PRR7: variants seen among roughly 807,000 people sequenced by gnomAD.
PRR7 encodes the protein proline-rich protein 7.
A neutral mutation model predicts 18.5 loss-of-function variants in PRR7; 8 were observed. The observed-to-expected ratio is 0.43, with a 90% CI of 0.25 to 0.78. PRR7 has a LOEUF of 0.78. Among genes scored for constraint, PRR7 ranks in the 30% least tolerant of loss-of-function variants. The probability of loss-of-function intolerance (pLI) is 0.22; values close to 1 mark genes in which losing one functional copy is unlikely to be tolerated. For synonymous variants in PRR7, 221 were observed against 187.7 expected, an observed-to-expected ratio of 1.18 and a Z score of -1.45; for missense variants, 396 against 403.1, an observed-to-expected ratio of 0.98 and a Z score of 0.15.
chr5:177,454,964 G>A lies in PRR7; in HGVS notation c.-104G>A, dbSNP rs1411641367. On this transcript the variant is annotated 5_prime_UTR_variant, in exon 3 of 4. Transcript: ENST00000323249. This position sits in a 1 kb window ranked among gnomAD's most constrained non-coding sequence, Gnocchi z 4.7. ...GGGCAGCCCCCGGCCGCGGGTCCCC[G>A]AGTGACGCTGGCGGCACCTGAGAGT... is the stretch of plus-strand genomic sequence containing the variant. 7.5e-6 allele frequency: 10 copies of A among 1,328,476 alleles called. No homozygotes were observed. The highest frequency in any genetic ancestry group is 1.5e-5 in the African/African-American group (1 of 66,184). 82.3% of individuals were successfully genotyped at this position (1,328,476 alleles called of 1,614,324 possible).
At position 177,455,037 on chromosome 5, in the gene PRR7, C is replaced by A; in HGVS notation, c.-31C>A. On this transcript the variant is annotated 5_prime_UTR_variant, in exon 3 of 4. Transcript: ENST00000323249. This position sits in a 1 kb window ranked among gnomAD's most constrained non-coding sequence, Gnocchi z 6.9. ...CAGCGGAGCCCAGTGTCCAGTGAAG[C>A]GTCTGAGGACCCGCCGCCCGTGCCG... 1 of 1,439,530 alleles carries A rather than the reference C, an allele frequency of 6.9e-7. No homozygotes were observed. The highest frequency in any genetic ancestry group is 9.1e-7 in the Non-Finnish European group (1 of 1,097,616). The allele number at this position is 1,439,530 out of a possible 1,614,324, so 89.2% of individuals were successfully genotyped here. A position where few individuals can be genotyped will look rare whatever the true frequency, so the allele number is the denominator to read the frequency against.
upstream of PRR7, chr5:177,446,812 C>A (rs1755906824): frequency 6.6e-6 from 1 of 151,310 alleles, no homozygotes; most frequent in African/African-American, 2.4e-5. This position sits in a 1 kb window ranked among gnomAD's most constrained non-coding sequence, Gnocchi z 5.3. Context: ...CCCCGCGCCT[C>A]CAGCCCAGCG....
At chr5:177,448,124 G>C (rs1283621436) in intron 1 of PRR7, among the ~76,000 whole-genome samples, 1 of 152,232 alleles carries the variant, frequency 6.6e-6, no homozygotes, top group East Asian at 1.9e-4. Flanking sequence ...AGCCCCGACC[G>C]CGGGCTTCAG....
At chr5:177,452,785 G>A (rs1156649088) in intron 1 of PRR7, among the ~76,000 whole-genome samples, 1 of 152,230 alleles carries the variant, frequency 6.6e-6, no homozygotes, top group Admixed American at 6.5e-5. Flanking sequence ...GCTGAGCTGG[G>A]CGCCCTCAGG....
chr5:177,455,406 GCACCCA>G lies in PRR7; in HGVS notation c.345_350del (p.Pro117_His118del), dbSNP rs1177109536. On this transcript the variant is annotated inframe_deletion, in exon 3 of 4. Transcript: ENST00000323249. The surrounding 1 kb of genome is among the most constrained non-coding windows in gnomAD (Gnocchi z 6.9). ...GGCCCGCGCAGCCGCACGCGCACGC[GCACCCA>G]CACCCGCACCACCACGCGCTCCCGC... 4.0e-6 allele frequency: 6 copies of G among 1,496,316 alleles called. No individual in the cohort carries two copies. In the African/African-American group the frequency reaches 7.3e-5, roughly 18 times the overall value. The allele number at this position is 1,496,316 out of a possible 1,614,324, so 92.7% of individuals were successfully genotyped here. A position where few individuals can be genotyped will look rare whatever the true frequency, so the allele number is the denominator to read the frequency against.
chr5:177,455,061 C>T lies in PRR7; in HGVS notation c.-7C>T, dbSNP rs569451552. The stretch of plus-strand genomic sequence containing the variant: ...GCGTCTGAGGACCCGCCGCCCGTGC[C>T]GCCGCCATGGTGATGTCCCAGGGCA... On this transcript the variant is annotated 5_prime_UTR_variant, in exon 3 of 4. Transcript: ENST00000323249. This position sits in a 1 kb window ranked among gnomAD's most constrained non-coding sequence, Gnocchi z 6.9. 1.4e-6 allele frequency: 2 copies of T among 1,451,846 alleles called. No homozygotes were observed. Among genetic ancestry groups the T allele is most frequent in the African/African-American group, 1.5e-5 (1 of 67,480 alleles). The allele number at this position is 1,451,846 out of a possible 1,614,324, so 89.9% of individuals were successfully genotyped here.
rs748189551 is a variant in PRR7, at chr5:177,450,543, G to A, written c.-324-3413G>A. On this transcript the variant is annotated intron_variant, in intron 1 of 3. Coordinates refer to ENST00000323249, the MANE Select transcript of PRR7 (RefSeq NM_030567.5). This position sits in a 1 kb window ranked among gnomAD's most constrained non-coding sequence, Gnocchi z 6.6. ...ACAGCTAAAAGACCAACCAGGTAAC[G>A]AGCCCTCCAGCATCTCCTTCCATAG... Among the ~76,000 whole-genome samples the A allele has an allele frequency of 2.2e-4, 34 of 152,186 alleles. No individual in the cohort carries two copies. The highest frequency in any genetic ancestry group is 3.7e-4 in the Non-Finnish European group (25 of 68,016).
At position 177,455,247 on chromosome 5, in the gene PRR7, A is replaced by T. The variant is rs370341978; in HGVS notation, c.180A>T (p.Glu60Asp). 3 of 1,549,360 alleles carry T rather than the reference A, an allele frequency of 1.9e-6. No homozygotes were observed. Among genetic ancestry groups the T allele is most frequent in the Middle Eastern group, 1.7e-4 (1 of 5,828 alleles). Residue 60 changes from glutamate (E) to aspartate (D), a missense_variant, in exon 3 of 4, where the codon GAA (glutamate) becomes GAT (aspartate). Transcript: ENST00000323249. This position sits in a 1 kb window ranked among gnomAD's most constrained non-coding sequence, Gnocchi z 6.9. Reference sequence around the variant, plus strand: ...GCGCCCTAGAGCTGGAGCCCCTCGAACTCGAGGGCAGTCTGGCCGGGAGCC... The same window carrying T: ...GCGCCCTAGAGCTGGAGCCCCTCGATCTCGAGGGCAGTCTGGCCGGGAGCC... ...NLRALELEPL[E>D]LEGSLAGSPP...
chr5:177,455,216 A>G lies in PRR7; in HGVS notation c.149A>G (p.Asn50Ser). The change falls in exon 3 of 4, where the codon AAC (asparagine) becomes AGC (serine). Residue 50 changes from asparagine to serine, a missense_variant. Physicochemically the swap from Asn to Ser is conservative, Grantham distance 46. This residue lies in a region of PRR7 where 383 missense variants were observed against 372.6 expected (regional missense o/e 1.03). Transcript: ENST00000323249. The surrounding 1 kb of genome is among the most constrained non-coding windows in gnomAD (Gnocchi z 6.9). ...RRQEERLREQ[N>S]LRALELEPLE... ...CAGGAGGAGCGACTGCGCGAGCAGA[A>G]CCTGCGCGCCCTAGAGCTGGAGCCC... 1 of 1,570,544 alleles carries G rather than the reference A, an allele frequency of 6.4e-7. No individual in the cohort carries two copies. Among genetic ancestry groups the G allele is most frequent in the Non-Finnish European group, 8.6e-7 (1 of 1,166,006 alleles).
Position 177,454,403 on chromosome 5 carries a change from G to A in PRR7, c.-240+363G>A, listed in dbSNP as rs1433113456. On this transcript the variant is annotated intron_variant, in intron 2 of 3. Transcript: ENST00000323249. The surrounding 1 kb of genome is among the most constrained non-coding windows in gnomAD (Gnocchi z 4.7). The stretch of plus-strand genomic sequence containing the variant: ...CAGGCGTCTGTACAGGGCGTCGGGT[G>A]GCTGTCTGTGGGGCTCTAGGAGATG... Among the ~76,000 whole-genome samples, 18 of 152,184 alleles carry A rather than the reference G, an allele frequency of 1.2e-4. No individual in the cohort carries two copies. The East Asian group carries it at 3.5e-3, about 29-fold the overall frequency.
Position 177,446,930 on chromosome 5 carries a change from G to C in PRR7, c.-355G>C, listed in dbSNP as rs536753376. The C allele has an allele frequency of 6.6e-6, 1 of 151,914 alleles. No individual in the cohort carries two copies. The highest frequency in any genetic ancestry group is 1.5e-5 in the Non-Finnish European group (1 of 68,022). 9.4% of individuals were successfully genotyped at this position (151,914 alleles called of 1,614,324 possible). A position where few individuals can be genotyped will look rare whatever the true frequency, so the allele number is the denominator to read the frequency against. On this transcript the variant is annotated 5_prime_UTR_variant, in exon 1 of 4. Coordinates refer to ENST00000323249, the MANE Select transcript of PRR7 (RefSeq NM_030567.5). The surrounding 1 kb of genome is among the most constrained non-coding windows in gnomAD (Gnocchi z 5.3). The stretch of plus-strand genomic sequence containing the variant: ...GCCCGCGCTGCTCGCCCCGAGCCAG[G>C]AGAACGAGCTCGAGGAGGATGCCTG...
At position 177,455,999 on chromosome 5, in the gene PRR7, C is replaced by T; in HGVS notation, c.703C>T (p.Arg235Cys). Residue 235 changes from arginine (R) to cysteine (C), a missense_variant, in exon 4 of 4, where the codon CGT (arginine) becomes TGT (cysteine). Coordinates refer to ENST00000323249, the MANE Select transcript of PRR7 (RefSeq NM_030567.5). This position sits in a 1 kb window ranked among gnomAD's most constrained non-coding sequence, Gnocchi z 6.9. ...CCCAGCCCTCTGCCTGCAGGCCGACCGTGGCCGCCGGGTCTTCCCCAGCTG... is the reference window on the plus strand; with the variant it reads ...CCCAGCCCTCTGCCTGCAGGCCGACTGTGGCCGCCGGGTCTTCCCCAGCTG... ...PCPALCLQADRGRRVFPSWTD... is the reference protein window; with the variant it reads ...PCPALCLQADCGRRVFPSWTD... 1 of 1,581,682 alleles carries T rather than the reference C, an allele frequency of 6.3e-7. No homozygotes were observed. Among genetic ancestry groups the T allele is most frequent in the Non-Finnish European group, 8.6e-7 (1 of 1,168,858 alleles).
At chr5:177,452,865 G>C (rs1247443877) in intron 1 of PRR7, among the ~76,000 whole-genome samples, 1 of 152,214 alleles carries the variant, frequency 6.6e-6, no homozygotes, top group East Asian at 1.9e-4. Context: ...TCATCCTGTA[G>C]CTCTTTCTCA....
Position 177,455,912 on chromosome 5 carries a change from C to G in PRR7, c.616C>G (p.Leu206Val). The G allele has an allele frequency of 6.2e-7, 1 of 1,608,900 alleles. No individual in the cohort carries two copies. The change falls in exon 4 of 4, where the codon CTG (leucine) becomes GTG (valine). Residue 206 changes from leucine to valine, a missense_variant. Physicochemically the swap from Leu to Val is conservative, Grantham distance 32 (BLOSUM62 1). This residue lies in a region of PRR7 where 383 missense variants were observed against 372.6 expected (regional missense o/e 1.03). Transcript: ENST00000323249. The surrounding 1 kb of genome is among the most constrained non-coding windows in gnomAD (Gnocchi z 6.9). ...QPPPSYKPLF[L>V]DRGYTSALHL... ...GCCTCCCAGCTACAAGCCGCTCTTC[C>G]TGGACCGGGGCTACACCTCGGCGCT... is the stretch of plus-strand genomic sequence containing the variant.
Position 177,455,276 on chromosome 5 carries a change from C to G in PRR7, c.209C>G (p.Pro70Arg). The G allele has an allele frequency of 1.3e-6, 2 of 1,516,320 alleles. No homozygotes were observed. Among genetic ancestry groups the G allele is most frequent in the Admixed American group, 2.1e-5 (1 of 48,466 alleles). 93.9% of individuals were successfully genotyped at this position (1,516,320 alleles called of 1,614,324 possible). A position where few individuals can be genotyped will look rare whatever the true frequency, so the allele number is the denominator to read the frequency against. Residue 70 changes from proline (P) to arginine (R), a missense_variant, in exon 3 of 4, where the codon CCG (proline) becomes CGG (arginine). By Grantham distance (103) the Pro-to-Arg change is moderately radical (BLOSUM62 -2). This residue lies in a region of PRR7 where 383 missense variants were observed against 372.6 expected (regional missense o/e 1.03). Coordinates refer to ENST00000323249, the MANE Select transcript of PRR7 (RefSeq NM_030567.5). The surrounding 1 kb of genome is among the most constrained non-coding windows in gnomAD (Gnocchi z 6.9). ...ELEGSLAGSPPGLAPPQPPPH... is the reference protein window; with the variant it reads ...ELEGSLAGSPRGLAPPQPPPH... The stretch of plus-strand genomic sequence containing the variant: ...GAGGGCAGTCTGGCCGGGAGCCCCC[C>G]GGGCCTGGCGCCGCCGCAGCCACCA...
intron 1 of PRR7, among the ~76,000 whole-genome samples, chr5:177,447,882 G>T (rs1755976151): frequency 6.6e-6 from 1 of 152,204 alleles, no homozygotes; most frequent in South Asian, 2.1e-4. Context: ...CCCCTTTCTT[G>T]TCTGAGCACA....
chr5:177,455,271 C>G lies in PRR7; in HGVS notation c.204C>G (p.Ser68Arg). The change falls in exon 3 of 4, where the codon AGC becomes AGG. Residue 68 changes from serine (S) to arginine (R), a missense_variant. Physicochemically the swap from Ser to Arg is moderately radical, Grantham distance 110. Around this residue, in one of 2 missense-constraint regions of PRR7, gnomAD observed 383 missense variants for 372.6 expected, o/e 1.03. Transcript: ENST00000323249. This position sits in a 1 kb window ranked among gnomAD's most constrained non-coding sequence, Gnocchi z 6.9. ...AACTCGAGGGCAGTCTGGCCGGGAG[C>G]CCCCCGGGCCTGGCGCCGCCGCAGC... is the stretch of plus-strand genomic sequence containing the variant. ...PLELEGSLAG[S>R]PPGLAPPQPP... is the part of the protein sequence containing the mutation. The G allele has an allele frequency of 1.3e-6, 2 of 1,521,572 alleles. No homozygotes were observed. The highest frequency in any genetic ancestry group is 1.7e-6 in the Non-Finnish European group (2 of 1,143,194). The allele number at this position is 1,521,572 out of a possible 1,614,324, so 94.3% of individuals were successfully genotyped here.
At chr5:177,446,034 T>G (rs188398568), upstream of PRR7, 1 of 150,876 alleles carries the variant, frequency 6.6e-6, no homozygotes, top group Admixed American at 6.6e-5. This position sits in a 1 kb window ranked among gnomAD's most constrained non-coding sequence, Gnocchi z 5.3. Flanking sequence ...TGTTTGGGAG[T>G]TCTGTCACTT....
intron 1 of PRR7, 103 bp downstream of exon 1, chr5:177,447,063 G>C (rs1328005779): frequency 1.3e-5 from 2 of 151,600 alleles, no homozygotes; most frequent in African/African-American, 4.8e-5. Context: ...CCCTGGCCCC[G>C]GGTCGCCGCC....
Sources: allele counts gnomAD v4.1 joint callset (sites outside exome capture counted in the v4.1 genomes callset), GRCh38; gene constraint gnomAD v4.1.1; regional missense constraint gnomAD v4.1.1; non-coding constraint Gnocchi (gnomAD v3.1); transcripts MANE v1.5; gene names NCBI Gene and HGNC (gene_info 2026-07-23, HGNC 2026-07-21).